The following XRRA1 variants were observed in gnomAD, a reference collection of about 807,000 sequenced individuals.
XRRA1 encodes X-ray radiation resistance-associated protein 1.
Under a neutral mutation model 80.2 loss-of-function variants are expected in XRRA1, and 69 were observed. The observed-to-expected ratio is 0.86, with a 90% CI of 0.71 to 1.05. The LOEUF is 1.05. XRRA1 is among the 50% of genes least tolerant of loss of function. The pLI, the probability that XRRA1 is intolerant of heterozygous loss-of-function variation, is 0.00. For synonymous variants in XRRA1, 348 were observed against 389.9 expected (o/e 0.89, Z 1.27); for missense variants, 967 against 976.4 (o/e 0.99, Z 0.13).
chr11:74,918,695 A>C (rs1377081546), intron 8 of XRRA1: 1 of 152,188 alleles, frequency 6.6e-6, no homozygotes, highest in East Asian at 1.9e-4. Context: ...AGGGGGCTGG[A>C]GCCATCTCCT....
At chr11:74,860,319 A>G (rs1196049795) in intron 11 of XRRA1, among the ~76,000 whole-genome samples, 2 of 152,234 alleles carry the variant, frequency 1.3e-5, no homozygotes, top group Non-Finnish European at 2.9e-5. Context: ...GCAAGAGTGG[A>G]ACATGGTGGC....
At chr11:74,883,192 G>C (rs938233756) in intron 10 of XRRA1, among the ~76,000 whole-genome samples, 1 of 151,964 alleles carries the variant, frequency 6.6e-6, no homozygotes, top group Non-Finnish European at 1.5e-5. Context: ...CTCCGAGCCA[G>C]GTGCAGGATA....
At chr11:74,852,567 G>A (rs1477571474) in intron 12 of XRRA1, among the ~76,000 whole-genome samples, 1 of 152,060 alleles carries the variant, frequency 6.6e-6, no homozygotes, top group Admixed American at 6.6e-5. Flanking sequence ...GGCCAGTCCT[G>A]GGCACTTATT....
At chr11:74,921,804 T>C (rs1940882327) in intron 7 of XRRA1, among the ~76,000 whole-genome samples, 1 of 152,176 alleles carries the variant, frequency 6.6e-6, no homozygotes, top group Non-Finnish European at 1.5e-5. Flanking sequence ...CGGCTAGGTA[T>C]CTGGCATATG....
chr11:74,942,516 A>AG (rs927751352), intron 2 of XRRA1, among the ~76,000 whole-genome samples: 1 of 152,204 alleles, frequency 6.6e-6, no homozygotes, highest in African/African-American at 2.4e-5. Flanking sequence ...AGGAACACGT[A>AG]GGGGGACATG....
chr11:74,848,552 G>T, intron 14 of XRRA1, 90 bp from the exon 15 acceptor site: 1 of 1,214,900 alleles, frequency 8.2e-7, no homozygotes, highest in Non-Finnish European at 1.1e-6. Flanking sequence ...TTGTATAGCA[G>T]CCGGAGTGCT....
At chr11:74,891,919 G>A (rs2050824870) in intron 10 of XRRA1, among the ~76,000 whole-genome samples, 1 of 152,100 alleles carries the variant, frequency 6.6e-6, no homozygotes, top group Admixed American at 6.5e-5. Flanking sequence ...ACAAACAAAT[G>A]GAAGAACCTT....
At chr11:74,948,291 T>A (rs1468181765) in intron 1 of XRRA1, among the ~76,000 whole-genome samples, 2 of 151,256 alleles carry the variant, frequency 1.3e-5, no homozygotes, top group African/African-American at 2.4e-5. Context: ...ATCCCCTGTA[T>A]CCGTTAGTAC....
rs769179687 is a variant in XRRA1 at position 74,843,161 on chromosome 11, G to T, written c.*39C>A. The T allele has an allele frequency of 2.6e-6, 4 of 1,523,624 alleles. No individual in the cohort carries two copies. Among genetic ancestry groups the T allele is most frequent in the Non-Finnish European group, 3.5e-6 (4 of 1,131,240 alleles). 94.4% of individuals were successfully genotyped at this position (1,523,624 alleles called of 1,614,324 possible). On this transcript the variant is annotated 3_prime_UTR_variant, in exon 19 of 19. Coordinates refer to ENST00000684022, the MANE Select transcript of XRRA1 (RefSeq NM_001378157.1). ...CACAGAGCCCTCGGGGAGAGCTGGG[G>T]CACAGGCCGGGTGGTGCACACAGCC...
At chr11:74,942,061 C>T (rs994417617) in intron 2 of XRRA1, among the ~76,000 whole-genome samples, 1 of 151,738 alleles carries the variant, frequency 6.6e-6, no homozygotes, top group Non-Finnish European at 1.5e-5. Flanking sequence ...TGCAGTGAGC[C>T]GTGATCATGC....
Position 74,937,056 on chromosome 11 carries a change from C to G in XRRA1, c.107G>C (p.Trp36Ser). ...GAGGTTACCTTTCTGAACCACTAACCAGTGTCCTTGGCCTGTTGAGAAAAT... is the reference window on the plus strand; with the variant it reads ...GAGGTTACCTTTCTGAACCACTAACGAGTGTCCTTGGCCTGTTGAGAAAAT... ...LRVPEEGQGH[W>S]LVVQKGNLKK... The change falls in exon 4 of 19, where the codon TGG (tryptophan) becomes TCG (serine). Residue 36 changes from tryptophan (W) to serine (S), a missense_variant. Transcript: ENST00000684022. 2 of 1,613,654 alleles carry G rather than the reference C, an allele frequency of 1.2e-6. No individual in the cohort carries two copies. The highest frequency in any genetic ancestry group is 1.7e-5 in the Admixed American group (1 of 59,960).
chr11:74,854,910 T>A lies in XRRA1; in HGVS notation c.1171-2828A>T, dbSNP rs1332346598. Among the ~76,000 whole-genome samples the A allele has an allele frequency of 2.6e-5, 4 of 151,172 alleles. No individual in the cohort carries two copies. The East Asian group carries it at 7.8e-4, about 29-fold the overall frequency. On this transcript the variant is annotated intron_variant, in intron 12 of 18. Coordinates refer to ENST00000684022, the MANE Select transcript of XRRA1 (RefSeq NM_001378157.1). ...CAAAACCCCACAAAAATCAGCTGAG[T>A]GTGCTGGCGGGTGCCTGTAATCCCA...
At position 74,843,926 on chromosome 11, in the gene XRRA1, T is replaced by C; in HGVS notation, c.2077A>G (p.Thr693Ala). 1 of 1,613,706 alleles carries C rather than the reference T, an allele frequency of 6.2e-7. No homozygotes were observed. The highest frequency in any genetic ancestry group is 1.7e-5 in the Admixed American group (1 of 59,980). ...ATGTCATCCAGAAGTTGGGCTCTAG[T>C]CTTCTTTGGGGGTGGAATCGGGATT... ...QRIPIPPPKKTRAQLLDDIFI... is the reference protein window; with the variant it reads ...QRIPIPPPKKARAQLLDDIFI... The change falls in exon 18 of 19, where the codon ACT becomes GCT. Residue 693 changes from threonine to alanine, a missense_variant. By Grantham distance (58) the Thr-to-Ala change is moderately conservative. Transcript: ENST00000684022.
At chr11:74,857,848 T>C (rs183162327) in intron 12 of XRRA1, among the ~76,000 whole-genome samples, 1 of 152,218 alleles carries the variant, frequency 6.6e-6, no homozygotes, top group East Asian at 1.9e-4. Flanking sequence ...AACTAACTTA[T>C]AAATAACCTG....
At chr11:74,938,086 A>G (rs1945461300) in intron 3 of XRRA1, among the ~76,000 whole-genome samples, 1 of 152,208 alleles carries the variant, frequency 6.6e-6, no homozygotes, top group Non-Finnish European at 1.5e-5. Context: ...CTTATATTAT[A>G]TACAATAGTA....
In XRRA1 at chr11:74,843,082, A is replaced by C. The variant is rs2036823576; in HGVS notation, c.*118T>G. 22 of 1,362,812 alleles carry C rather than the reference A, an allele frequency of 1.6e-5. No individual in the cohort carries two copies. Among genetic ancestry groups the C allele is most frequent in the Non-Finnish European group, 2.1e-5 (22 of 1,028,592 alleles). 84.4% of individuals were successfully genotyped at this position (1,362,812 alleles called of 1,614,324 possible). On this transcript the variant is annotated 3_prime_UTR_variant, in exon 19 of 19. Transcript: ENST00000684022. ...ACCTTGTGGCCAGCAAGTGGGGCCC[A>C]GCTGAGCTCTGAGGCCTGTGGCCGG...
chr11:74,850,222 G>C (rs1306284717), intron 14 of XRRA1, among the ~76,000 whole-genome samples: 1 of 152,182 alleles, frequency 6.6e-6, no homozygotes, highest in African/African-American at 2.4e-5. Context: ...GAGGATTATG[G>C]GATAGCATAC....
intron 7 of XRRA1, among the ~76,000 whole-genome samples, chr11:74,922,664 C>CAA (rs1251369501): frequency 6.6e-6 from 1 of 152,176 alleles, no homozygotes; most frequent in Admixed American, 6.5e-5. Flanking sequence ...ATTACATAGT[C>CAA]AGACATATAC....
chr11:74,912,279 CA>C (rs1591347769), intron 8 of XRRA1, among the ~76,000 whole-genome samples: 1 of 152,292 alleles, frequency 6.6e-6, no homozygotes, highest in East Asian at 1.9e-4. Flanking sequence ...CATTTAAAAA[CA>C]ATCTGCCTTA....
Sources: gnomAD v4.1 joint callset for allele counts (sites outside exome capture counted in the v4.1 genomes callset) on GRCh38, gnomAD v4.1.1 for gene constraint, MANE v1.5 for transcripts, NCBI Gene and HGNC (gene_info 2026-07-23, HGNC 2026-07-21) for gene names.